DNAH5: variants seen among roughly 807,000 people sequenced by gnomAD.
The protein encoded by DNAH5 is dynein axonemal heavy chain 5, also known as axonemal beta dynein heavy chain 5.
A neutral mutation model predicts 518.2 loss-of-function variants in DNAH5; 372 were observed. That is an observed-to-expected ratio of 0.72 (90% CI 0.66 to 0.78). The LOEUF is 0.78. Among genes scored for constraint, DNAH5 ranks in the 30% least tolerant of loss-of-function variants. The probability of loss-of-function intolerance (pLI) is 0.00; values close to 1 mark genes in which losing one functional copy is unlikely to be tolerated. For synonymous variants in DNAH5, 2,039 were observed against 2,025.9 expected, an observed-to-expected ratio of 1.01 and a Z score of -0.17; for missense variants, 5,523 against 5,687.0, an observed-to-expected ratio of 0.97 and a Z score of 0.93.
chr5:13,796,750 C>G (rs1168209000), intron 47 of DNAH5, among the ~76,000 whole-genome samples: 1 of 152,142 alleles, frequency 6.6e-6, no homozygotes, highest in Admixed American at 6.5e-5. Flanking sequence ...CAAGAAAATC[C>G]TAAGCCAAAA....
rs1184990783 is a variant in DNAH5, at chr5:13,841,789, G to C, written c.5387C>G (p.Ser1796Cys). The change falls in exon 33 of 79, where the codon TCT becomes TGT. Residue 1796 changes from serine to cysteine, a missense_variant. This residue lies in a region of DNAH5 where 5,121 missense variants were observed against 5,223.3 expected (regional missense o/e 0.98). Transcript: ENST00000265104. ...AATCACAAGATGCAATGAGGACTGA[G>C]ATTCTTCCAAAAGAGAATTAAGCCA... ...EVWLNSLLEE[S>C]QSSLHLVIRQ... is the part of the protein sequence containing the mutation. 4.3e-6 allele frequency: 7 copies of C among 1,613,794 alleles called. No homozygotes were observed. The highest frequency in any genetic ancestry group is 5.9e-6 in the Non-Finnish European group (7 of 1,179,818).
intron 1 of DNAH5, among the ~76,000 whole-genome samples, chr5:13,979,721 G>C (rs1782531495): frequency 6.6e-6 from 1 of 152,042 alleles, no homozygotes; most frequent in Admixed American, 6.6e-5. Context: ...AAAGCCTATT[G>C]ATCTTCATCT....
chr5:13,795,297 G>T lies in DNAH5; in HGVS notation c.7888-1239C>A, dbSNP rs545245367. ...GAAAAGATCAACAAAATTGATAGAC[G>T]GCTAGCAAGATTAATAAAGAAGAAA... On this transcript the variant is annotated intron_variant, in intron 47 of 78. Transcript: ENST00000265104. 4.6e-5 allele frequency among the ~76,000 whole-genome samples: 7 copies of T among 151,636 alleles called. No individual in the cohort carries two copies. In the South Asian group the frequency reaches 1.3e-3, roughly 27 times the overall value.
chr5:13,941,143 A>G (rs568807974), intron 1 of DNAH5, among the ~76,000 whole-genome samples: 1 of 152,328 alleles, frequency 6.6e-6, no homozygotes, highest in South Asian at 2.1e-4. Context: ...GCTTGAGGCC[A>G]GGAGTTTGAG....
chr5:13,691,031 C>T lies in DNAH5; in HGVS notation c.*953G>A, dbSNP rs918232808. On this transcript the variant is annotated 3_prime_UTR_variant, in exon 79 of 79. Transcript: ENST00000265104. ...CTTTCACTTAACAGTCTGGGTCTACCATTTCATATTATGGAATCTTCAAAA... is the reference window on the plus strand; with the variant it reads ...CTTTCACTTAACAGTCTGGGTCTACTATTTCATATTATGGAATCTTCAAAA... The T allele has an allele frequency of 1.8e-4, 27 of 152,132 alleles. No individual in the cohort carries two copies. The highest frequency in any genetic ancestry group is 6.5e-4 in the African/African-American group (27 of 41,450). 9.4% of individuals were successfully genotyped at this position (152,132 alleles called of 1,614,324 possible). A position where few individuals can be genotyped will look rare whatever the true frequency, so the allele number is the denominator to read the frequency against.
At chr5:13,832,648 G>A (rs984226440) in intron 35 of DNAH5, among the ~76,000 whole-genome samples, 11 of 152,232 alleles carry the variant, frequency 7.2e-5, no homozygotes, top group Non-Finnish European at 1.3e-4. Flanking sequence ...TAAACTCTCT[G>A]CGGTCAGGAG....
Position 13,722,099 on chromosome 5 carries a change from C to T in DNAH5, c.12034-854G>A, listed in dbSNP as rs114986956. Reference sequence around the variant, plus strand: ...CTCCACAATAATCATTTTCACATAACTTAGGCGTGGGTGCAACATGACCTG... The same window carrying T: ...CTCCACAATAATCATTTTCACATAATTTAGGCGTGGGTGCAACATGACCTG... On this transcript the variant is annotated intron_variant, in intron 70 of 78. Coordinates refer to ENST00000265104, the MANE Select transcript of DNAH5 (RefSeq NM_001369.3). 8.1e-3 allele frequency among the ~76,000 whole-genome samples: 1,231 copies of T among 152,288 alleles called. 13 individuals are homozygous for T. Among genetic ancestry groups the T allele is most frequent in the African/African-American group, 0.028 (1,147 of 41,554 alleles).
rs2151990260 is a variant in DNAH5 at position 13,919,203 on chromosome 5, A to T, written c.948T>A (p.Leu316=). ...TCAGCAGTTTCGACTTGGCCGCCGCAAGCACTGCCAGCACAGCCTTCACAT... is the reference window on the plus strand; with the variant it reads ...TCAGCAGTTTCGACTTGGCCGCCGCTAGCACTGCCAGCACAGCCTTCACAT... ...SPDVKAVLAV[L]AAAKSKLLKT... is the part of the protein sequence containing the mutation. Residue 316 remains leucine (L), a synonymous_variant, in exon 7 of 79, where the codon CTT becomes CTA. Coordinates refer to ENST00000265104, the MANE Select transcript of DNAH5 (RefSeq NM_001369.3). 1.2e-6 allele frequency: 2 copies of T among 1,614,024 alleles called. No homozygotes were observed. Among genetic ancestry groups the T allele is most frequent in the Non-Finnish European group, 1.7e-6 (2 of 1,179,920 alleles).
chr5:13,799,324 A>G (rs987280004), intron 47 of DNAH5, among the ~76,000 whole-genome samples: 3 of 152,002 alleles, frequency 2.0e-5, no homozygotes, highest in Non-Finnish European at 4.4e-5. Flanking sequence ...CATGTCTATT[A>G]ATGAGAACAC....
intron 71 of DNAH5, 49 bp downstream of exon 71, chr5:13,720,951 A>C: frequency 6.2e-7 from 1 of 1,613,068 alleles, no homozygotes; most frequent in South Asian, 1.1e-5. Flanking sequence ...GCTATTCTAT[A>C]ACCTGTAATA....
intron 16 of DNAH5, among the ~76,000 whole-genome samples, chr5:13,891,941 A>G (rs1773283473): frequency 6.6e-6 from 1 of 152,212 alleles, no homozygotes; most frequent in Non-Finnish European, 1.5e-5. Context: ...TTCAACAGAT[A>G]CCATACAGTA....
chr5:13,717,517 A>G lies in DNAH5; in HGVS notation c.12503T>C (p.Val4168Ala). The G allele has an allele frequency of 6.2e-7, 1 of 1,614,096 alleles. No homozygotes were observed. Among genetic ancestry groups the G allele is most frequent in the Non-Finnish European group, 8.5e-7 (1 of 1,179,982 alleles). The change falls in exon 73 of 79, where the codon GTC (valine) becomes GCC (alanine). Residue 4168 changes from valine (V) to alanine (A), a missense_variant. Physicochemically the swap from Val to Ala is moderately conservative, Grantham distance 64. Transcript: ENST00000265104. ...RAGLKRTYSG[V>A]SQDLLDVSSG... The stretch of plus-strand genomic sequence containing the variant: ...GCTCACGTCCAGCAGGTCTTGGCTG[A>G]CACCTGTTGTGGTCAGTTGGGTGAA...
Position 13,753,353 on chromosome 5 carries a change from A to G in DNAH5, c.10752T>C (p.Asp3584=), listed in dbSNP as rs1048347626. Residue 3584 remains aspartate (D), a synonymous_variant, in exon 63 of 79, where the codon GAT becomes GAC. Transcript: ENST00000265104. Reference sequence around the variant, plus strand: ...TAATTCCATTTTGAATGGACAAGTCATCATTTGGCAGACCTTGGAGGTTCC... The same window carrying G: ...TAATTCCATTTTGAATGGACAAGTCGTCATTTGGCAGACCTTGGAGGTTCC... ...SEWNLQGLPN[D]DLSIQNGIIV... 1 of 1,614,020 alleles carries G rather than the reference A, an allele frequency of 6.2e-7. No homozygotes were observed. Among genetic ancestry groups the G allele is most frequent in the East Asian group, 2.2e-5 (1 of 44,854 alleles).
chr5:13,692,080 C>G lies in DNAH5; in HGVS notation c.13779G>C (p.Thr4593=), dbSNP rs200555581. 1.2e-6 allele frequency: 2 copies of G among 1,613,992 alleles called. No individual in the cohort carries two copies. The highest frequency in any genetic ancestry group is 3.3e-5 in the Admixed American group (2 of 59,982). Residue 4593 remains threonine, a synonymous_variant, in exon 79 of 79, where the codon ACG becomes ACC. Transcript: ENST00000265104. The part of the protein sequence containing the change: ...SCPIYKKPVR[T]DLNYIAAVDL... Reference sequence around the variant, plus strand: ...CCACAGCGGCAATGTAGTTCAAGTCCGTTCGAACTGGCTTCTTATAGATGG... The same window carrying G: ...CCACAGCGGCAATGTAGTTCAAGTCGGTTCGAACTGGCTTCTTATAGATGG...
At chr5:13,818,904 A>G (rs1049891124) in intron 41 of DNAH5, among the ~76,000 whole-genome samples, 13 of 152,196 alleles carry the variant, frequency 8.5e-5, no homozygotes, top group African/African-American at 2.7e-4. Flanking sequence ...GTGAGAAACA[A>G]TGGTTCTTTA....
intron 17 of DNAH5, among the ~76,000 whole-genome samples, chr5:13,890,289 C>T (rs1773020405): frequency 6.6e-6 from 1 of 151,856 alleles, no homozygotes; most frequent in Admixed American, 6.6e-5. Flanking sequence ...TGCCTGTAGT[C>T]CCAGCTACTC....
chr5:13,720,223 A>T (rs933864112), intron 71 of DNAH5, among the ~76,000 whole-genome samples: 1 of 152,126 alleles, frequency 6.6e-6, no homozygotes, highest in African/African-American at 2.4e-5. Context: ...AATTTACAGT[A>T]CTGCTGAATA....
intron 3 of DNAH5, among the ~76,000 whole-genome samples, chr5:13,924,191 A>G (rs971313133): frequency 6.6e-6 from 1 of 152,208 alleles, no homozygotes; most frequent in African/African-American, 2.4e-5. Flanking sequence ...CATAGTCAGC[A>G]TACCTGGTTA....
intron 15 of DNAH5, chr5:13,898,270 T>A (rs1269526049): frequency 3.4e-6 from 1 of 296,642 alleles, no homozygotes; most frequent in African/African-American, 2.2e-5. Context: ...TACAAGTGTT[T>A]GTTGCCTGAA....
Sources: allele counts gnomAD v4.1 joint callset (sites outside exome capture counted in the v4.1 genomes callset), GRCh38; gene constraint gnomAD v4.1.1; regional missense constraint gnomAD v4.1.1; transcripts MANE v1.5; gene names NCBI Gene and HGNC (gene_info 2026-07-23, HGNC 2026-07-21).